The following PRR16 variants were observed in gnomAD, a reference collection of about 807,000 sequenced individuals.
PRR16 encodes proline rich 16.
In PRR16, 6 loss-of-function variants were observed where a neutral mutation model predicts 18.2. That is an observed-to-expected ratio of 0.33 (90% CI 0.18 to 0.65). The LOEUF is 0.65. Among genes scored for constraint, PRR16 ranks in the 30% least tolerant of loss-of-function variants. The pLI is 0.74. For missense variants in PRR16, 412 were observed against 376.6 expected (o/e 1.09, Z -0.78); for synonymous variants, 151 against 147.8 (o/e 1.02, Z -0.16).
At chr5:120,735,921 T>G in the PRR16 span, among the ~76,000 whole-genome samples, 2 of 152,208 alleles carry the variant, frequency 1.3e-5, no homozygotes, top group African/African-American at 4.8e-5. Flanking sequence ...GCTTTTCTCC[T>G]ATGTTTGCTT....
At chr5:120,677,309 C>T (rs1756830239) in intron 1 of PRR16, among the ~76,000 whole-genome samples, 1 of 152,146 alleles carries the variant, frequency 6.6e-6, no homozygotes, top group African/African-American at 2.4e-5. Context: ...CTACTTCCTG[C>T]CTCGCCTCTG....
At chr5:120,492,712 C>T (rs1324505658) in intron 1 of PRR16, among the ~76,000 whole-genome samples, 1 of 152,104 alleles carries the variant, frequency 6.6e-6, no homozygotes, top group African/African-American at 2.4e-5. Context: ...ATCCCTGCCC[C>T]TTGACATCGC....
intron 1 of PRR16, among the ~76,000 whole-genome samples, chr5:120,568,960 G>A (rs1470524321): frequency 6.6e-6 from 1 of 151,966 alleles, no homozygotes; most frequent in Non-Finnish European, 1.5e-5. Flanking sequence ...TTTGAGTATA[G>A]GTCCTCTTTT....
intron 1 of PRR16, among the ~76,000 whole-genome samples, chr5:120,577,146 C>A (rs1426342549): frequency 6.6e-6 from 1 of 151,700 alleles, no homozygotes; most frequent in Non-Finnish European, 1.5e-5. Context: ...TAATATGATT[C>A]ACATATATAT....
intron 1 of PRR16, among the ~76,000 whole-genome samples, chr5:120,513,179 A>G (rs1024115237): frequency 6.6e-6 from 1 of 152,090 alleles, no homozygotes; most frequent in African/African-American, 2.4e-5. Flanking sequence ...CTGCATTCCT[A>G]TCTATGCCTA....
intron 1 of PRR16, among the ~76,000 whole-genome samples, chr5:120,507,973 C>G (rs1477855528): frequency 2.0e-5 from 3 of 152,116 alleles, no homozygotes; most frequent in Admixed American, 1.3e-4. Flanking sequence ...TCCTTAACAT[C>G]AGAACCTCAC....
At chr5:120,491,652 T>C (rs1376856231) in intron 1 of PRR16, among the ~76,000 whole-genome samples, 2 of 152,096 alleles carry the variant, frequency 1.3e-5, no homozygotes, top group Non-Finnish European at 2.9e-5. Flanking sequence ...CAAGCGATTC[T>C]CCTGCCTCAT....
At chr5:120,741,274 C>G in the PRR16 span, among the ~76,000 whole-genome samples, 2 of 152,052 alleles carry the variant, frequency 1.3e-5, no homozygotes, top group Non-Finnish European at 2.9e-5. Flanking sequence ...GAGGCAGAGT[C>G]TCACTGTGTT....
intron 1 of PRR16, among the ~76,000 whole-genome samples, chr5:120,549,925 A>C (rs1752200407): frequency 6.6e-6 from 1 of 152,038 alleles, no homozygotes; most frequent in South Asian, 2.1e-4. Flanking sequence ...TTCCTCACAG[A>C]AATGTACAGT....
intron 1 of PRR16, among the ~76,000 whole-genome samples, chr5:120,537,769 G>GTTTT (rs71623210): frequency 8.7e-6 from 1 of 115,196 alleles, no homozygotes; most frequent in African/African-American, 3.3e-5. Context: ...AATTTTTAAT[G>GTTTT]TTTTTTTTTT....
chr5:120,546,412 G>A (rs916058590), intron 1 of PRR16, among the ~76,000 whole-genome samples: 3 of 152,028 alleles, frequency 2.0e-5, no homozygotes, highest in African/African-American at 7.2e-5. Flanking sequence ...TACCTCAACA[G>A]GTCTTCCATC....
At chr5:120,607,582 A>G (rs1435033783) in intron 1 of PRR16, among the ~76,000 whole-genome samples, 2 of 152,114 alleles carry the variant, frequency 1.3e-5, no homozygotes, top group African/African-American at 2.4e-5. Flanking sequence ...GAGTCTTGTA[A>G]TCATTTCCAT....
rs1162344990 is a variant in PRR16, at chr5:120,547,605, T to C, written c.159+82960T>C. On this transcript the variant is annotated intron_variant, in intron 1 of 1. Coordinates refer to ENST00000407149, the MANE Select transcript of PRR16 (RefSeq NM_001300783.2). Reference sequence around the variant, plus strand: ...AGCTACTATCTTTTGGCATTATCTGTAAGAACATATTGATAACAACAAGGT... The same window carrying C: ...AGCTACTATCTTTTGGCATTATCTGCAAGAACATATTGATAACAACAAGGT... 5.3e-5 allele frequency among the ~76,000 whole-genome samples: 8 copies of C among 152,000 alleles called. No homozygotes were observed. In the East Asian group the frequency reaches 1.4e-3, roughly 26 times the overall value.
chr5:120,782,940 C>G, the PRR16 span, among the ~76,000 whole-genome samples: 2 of 152,112 alleles, frequency 1.3e-5, no homozygotes, highest in East Asian at 1.9e-4. Flanking sequence ...TGTCATCTCT[C>G]TAAGTTGTTG....
the PRR16 span, among the ~76,000 whole-genome samples, chr5:120,756,232 A>C: frequency 3.3e-5 from 5 of 152,054 alleles, no homozygotes; most frequent in African/African-American, 1.2e-4. Context: ...TTTCATCTGC[A>C]CAGAAGTGGG....
the PRR16 span, among the ~76,000 whole-genome samples, chr5:120,773,620 A>C: frequency 2.2e-4 from 34 of 151,724 alleles, no homozygotes; most frequent in Admixed American, 2.2e-3. Flanking sequence ...TTAACTAAAA[A>C]TTAGGTGTTC....
chr5:120,465,165 C>G (rs1213257487), intron 1 of PRR16, among the ~76,000 whole-genome samples: 2 of 152,178 alleles, frequency 1.3e-5, no homozygotes, highest in East Asian at 3.9e-4. Context: ...CTCCCTGTCT[C>G]TCGAGCCTCG....
intron 1 of PRR16, among the ~76,000 whole-genome samples, chr5:120,544,185 T>A (rs557035930): frequency 4.6e-4 from 70 of 152,242 alleles, no homozygotes; most frequent in South Asian, 2.1e-3. Context: ...AGAGAATCCA[T>A]GCTCTTTCTA....
At chr5:120,524,219 T>C (rs938249947) in intron 1 of PRR16, among the ~76,000 whole-genome samples, 3 of 152,164 alleles carry the variant, frequency 2.0e-5, no homozygotes, top group African/African-American at 7.2e-5. Context: ...AGGATATAGT[T>C]TTTAATATCT....
Sources: gnomAD v4.1 joint callset for allele counts (sites outside exome capture counted in the v4.1 genomes callset) on GRCh38, gnomAD v4.1.1 for gene constraint, MANE v1.5 for transcripts, NCBI Gene and HGNC (gene_info 2026-07-23, HGNC 2026-07-21) for gene names.